The following LIMK2 variants were observed in gnomAD, a reference collection of about 807,000 sequenced individuals.
LIMK2 encodes LIM domain kinase 2.
A neutral mutation model predicts 75.7 loss-of-function variants in LIMK2; 35 were observed. The ratio of observed to expected loss-of-function variants is 0.46; its 90% CI spans 0.35 to 0.61. The LOEUF (loss-of-function observed/expected upper bound fraction) is 0.61, where lower values mean the gene tolerates loss of function less well. LIMK2 is among the 20% of genes least tolerant of loss of function. The pLI, the probability that LIMK2 is intolerant of heterozygous loss-of-function variation, is 0.00. For missense variants in LIMK2, 623 were observed against 831.0 expected (o/e 0.75, Z 3.08); for synonymous variants, 301 against 319.2 (o/e 0.94, Z 0.61).
intron 2 of LIMK2, among the ~76,000 whole-genome samples, chr22:31,246,758 C>CA (rs11317931): frequency 1.4e-3 from 160 of 112,932 alleles, no homozygotes; most frequent in South Asian, 4.6e-3. Flanking sequence ...GACCCTGACT[C>CA]AAAAAAAAAA....
In LIMK2 at chr22:31,278,455, C is replaced by T; in HGVS notation, c.*14C>T. 6.3e-7 allele frequency: 1 copy of T among 1,595,122 alleles called. No individual in the cohort carries two copies. Among genetic ancestry groups the T allele is most frequent in the Non-Finnish European group, 8.5e-7 (1 of 1,170,522 alleles). On this transcript the variant is annotated 3_prime_UTR_variant, in exon 16 of 16. Coordinates refer to ENST00000331728, the MANE Select transcript of LIMK2 (RefSeq NM_005569.4). The stretch of plus-strand genomic sequence containing the variant: ...TCACCTCCCTAGCCCTGGCCCAGCC[C>T]CCTGCAGGGGGGTGTTCTACAGCCA...
At chr22:31,232,685 C>T (rs2048539822) in intron 2 of LIMK2, among the ~76,000 whole-genome samples, 1 of 152,052 alleles carries the variant, frequency 6.6e-6, no homozygotes, top group South Asian at 2.1e-4. Context: ...TGATAGCTTA[C>T]TATAGCCTCA....
intron 2 of LIMK2, among the ~76,000 whole-genome samples, chr22:31,230,673 A>G (rs1018710468): frequency 2.6e-4 from 39 of 152,190 alleles, no homozygotes; most frequent in African/African-American, 8.9e-4. Context: ...GGAAAGGGCT[A>G]ATGCAGATAG....
rs549132944 is a variant in LIMK2 at position 31,259,832 on chromosome 22, TG to T, written c.363-51del. The T allele has an allele frequency of 7.6e-4, 1,137 of 1,491,508 alleles. 4 individuals carry two copies. The African/African-American group carries it at 0.013, about 17-fold the overall frequency. The allele number at this position is 1,491,508 out of a possible 1,614,324, so 92.4% of individuals were successfully genotyped here. A position where few individuals can be genotyped will look rare whatever the true frequency, so the allele number is the denominator to read the frequency against. ...TAAAGCCACATGGTGCAGTGGTTGCTGGGGGGCTTCTGTGTGGGACTCTAGC... is the reference window on the plus strand; with the variant it reads ...TAAAGCCACATGGTGCAGTGGTTGCTGGGGGCTTCTGTGTGGGACTCTAGC... On this transcript the variant is annotated intron_variant, in intron 4 of 15. Transcript: ENST00000331728.
chr22:31,223,506 T>C (rs764147427), intron 1 of LIMK2, among the ~76,000 whole-genome samples: 5 of 152,100 alleles, frequency 3.3e-5, no homozygotes, highest in Admixed American at 6.5e-5. Context: ...TGAGATGTGC[T>C]GGGGGTGGGG....
At chr22:31,267,408 A>G (rs2048906785) in intron 9 of LIMK2, among the ~76,000 whole-genome samples, 1 of 152,182 alleles carries the variant, frequency 6.6e-6, no homozygotes, top group African/African-American at 2.4e-5. Context: ...CTGCTAAGGG[A>G]GCCTGGAGGG....
intron 11 of LIMK2, among the ~76,000 whole-genome samples, chr22:31,269,658 C>T (rs1283780616): frequency 6.6e-6 from 1 of 151,762 alleles, no homozygotes; most frequent in Non-Finnish European, 1.5e-5. Flanking sequence ...CCTGTAGTCC[C>T]AGCTACTCAG....
chr22:31,232,923 C>T (rs1157205972), intron 2 of LIMK2, among the ~76,000 whole-genome samples: 41 of 152,154 alleles, frequency 2.7e-4, no homozygotes, highest in Admixed American at 2.7e-3. Flanking sequence ...TTCCCTAAGA[C>T]AGCTGGAAAT....
chr22:31,267,024 A>C lies in LIMK2; in HGVS notation c.1082A>C (p.Glu361Ala). ...KATGKVMVMK[E>A]LIRCDEETQK... ...ACGGGCAAAGTGATGGTCATGAAAG[A>C]GTTAATTCGATGTGATGAGGAGACC... is the stretch of plus-strand genomic sequence containing the variant. Residue 361 changes from glutamate (E) to alanine (A), a missense_variant, in exon 9 of 16, where the codon GAG becomes GCG. Transcript: ENST00000331728. 6.2e-7 allele frequency: 1 copy of C among 1,610,434 alleles called. No homozygotes were observed. The highest frequency in any genetic ancestry group is 8.5e-7 in the Non-Finnish European group (1 of 1,178,052).
chr22:31,232,257 A>C (rs2048535890), intron 2 of LIMK2, among the ~76,000 whole-genome samples: 1 of 151,530 alleles, frequency 6.6e-6, no homozygotes, highest in Admixed American at 6.6e-5. Context: ...CCAGGAGAAA[A>C]AAAAAAAAAA....
Position 31,267,814 on chromosome 22 carries a change from C to T in LIMK2, c.1167C>T (p.Leu389=), listed in dbSNP as rs1365835385. ...VMRSLDHPNV[L]KFIGVLYKDK... ...GCAGCCTGGACCACCCCAATGTGCT[C>T]AAGTTCATTGGTGTGCTGTACAAGG... The change falls in exon 10 of 16, where the codon CTC becomes CTT. Residue 389 remains leucine, a synonymous_variant. Transcript: ENST00000331728. 6.2e-7 allele frequency: 1 copy of T among 1,612,102 alleles called. No homozygotes were observed. The highest frequency in any genetic ancestry group is 2.2e-5 in the East Asian group (1 of 44,854).
chr22:31,235,981 G>A (rs2048570179), intron 2 of LIMK2, among the ~76,000 whole-genome samples: 1 of 152,196 alleles, frequency 6.6e-6, no homozygotes, highest in South Asian at 2.1e-4. Flanking sequence ...TGCCCTTTGT[G>A]TGCTTCATTT....
Position 31,275,375 on chromosome 22 carries a change from C to T in LIMK2, c.1772+67C>T, listed in dbSNP as rs954439807. 9.2e-6 allele frequency: 14 copies of T among 1,526,762 alleles called. No homozygotes were observed. The Admixed American group carries it at 2.0e-4, about 22-fold the overall frequency. 94.6% of individuals were successfully genotyped at this position (1,526,762 alleles called of 1,614,324 possible). On this transcript the variant is annotated intron_variant, in intron 15 of 15. Coordinates refer to ENST00000331728, the MANE Select transcript of LIMK2 (RefSeq NM_005569.4). Reference sequence around the variant, plus strand: ...GACGTTTGCCTCTGTCTAAGGCCACCCCTGAGCCCTCTGCAAGCACAGGGG... The same window carrying T: ...GACGTTTGCCTCTGTCTAAGGCCACTCCTGAGCCCTCTGCAAGCACAGGGG...
chr22:31,261,594 C>T (rs2048840083), intron 5 of LIMK2, among the ~76,000 whole-genome samples: 1 of 150,888 alleles, frequency 6.6e-6, no homozygotes, highest in South Asian at 2.1e-4. Context: ...GGCAAAACCC[C>T]ATCTCTACAA....
chr22:31,271,254 C>T (rs2048953939), intron 12 of LIMK2, 53 bp downstream of exon 12: 1 of 1,516,890 alleles, frequency 6.6e-7, no homozygotes. Context: ...TTCCTGGCTT[C>T]CTTGTCACAA....
At chr22:31,259,754 C>T in intron 4 of LIMK2, 135 bp from the exon 5 acceptor site, 1 of 737,048 alleles carries the variant, frequency 1.4e-6, no homozygotes, top group South Asian at 2.4e-5. Flanking sequence ...TTCTGAGCAG[C>T]CAGCTAGAAT....
At chr22:31,256,622 A>G (rs936527515) in intron 2 of LIMK2, among the ~76,000 whole-genome samples, 1 of 151,808 alleles carries the variant, frequency 6.6e-6, no homozygotes, top group Non-Finnish European at 1.5e-5. Context: ...TTATAAGCAT[A>G]AGCCACTGTG....
intron 4 of LIMK2, 95 bp downstream of exon 4, chr22:31,259,325 G>A (rs1464168268): frequency 1.4e-6 from 1 of 725,916 alleles, no homozygotes; most frequent in Admixed American, 2.0e-5. Context: ...GAGTGTTAGG[G>A]TAGTCAGAGC....
intron 2 of LIMK2, among the ~76,000 whole-genome samples, chr22:31,243,452 T>G (rs994700666): frequency 6.6e-6 from 1 of 152,194 alleles, no homozygotes; most frequent in African/African-American, 2.4e-5. Context: ...GACCAGAGCT[T>G]TCTTCCGACA....
Sources: gnomAD v4.1 joint callset for allele counts (sites outside exome capture counted in the v4.1 genomes callset) on GRCh38, gnomAD v4.1.1 for gene constraint, MANE v1.5 for transcripts, NCBI Gene and HGNC (gene_info 2026-07-23, HGNC 2026-07-21) for gene names.